MNDA: variants seen among roughly 807,000 people sequenced by gnomAD.
MNDA encodes the protein myeloid cell nuclear differentiation antigen.
MNDA carries 43 observed loss-of-function variants against 37.8 expected under a neutral mutation model. The observed-to-expected ratio is 1.14, with a 90% CI of 0.89 to 1.47. MNDA has a LOEUF of 1.47. Ranked by LOEUF, MNDA falls within the 40% of genes most tolerant of loss-of-function variation. MNDA has a pLI of 0.00. For synonymous variants in MNDA, 181 were observed against 169.0 expected (o/e 1.07, Z -0.55); for missense variants, 536 against 476.0 (o/e 1.13, Z -1.17).
chr1:158,845,936 C>T lies in MNDA; in HGVS notation c.920C>T (p.Pro307Leu), dbSNP rs745906221. Residue 307 changes from proline (P) to leucine (L), a missense_variant, in exon 5 of 7, where the codon CCC (proline) becomes CTC (leucine). Physicochemically the swap from Pro to Leu is moderately conservative, Grantham distance 98 (BLOSUM62 -3). Transcript: ENST00000368141. The part of the protein sequence containing the change: ...NRIIEIANKT[P>L]KISQLYKQAS... ...ATTATCGAAATAGCAAATAAAACTC[C>T]CAAGATCAGTCAACTTTACAAGCAA... 6.8e-5 allele frequency: 109 copies of T among 1,613,938 alleles called. No homozygotes were observed. In the South Asian group the frequency reaches 1.1e-3, roughly 16 times the overall value.
At chr1:158,836,431 A>G (rs1026154448) in intron 1 of MNDA, among the ~76,000 whole-genome samples, 3 of 151,796 alleles carry the variant, frequency 2.0e-5, no homozygotes, top group Non-Finnish European at 4.4e-5. Context: ...CGGATTTTCT[A>G]TTTCTTTATG....
In MNDA at chr1:158,838,718, A is replaced by C. The variant is rs73015597; in HGVS notation, c.-20-3416A>C. Among the ~76,000 whole-genome samples the C allele has an allele frequency of 6.8e-3, 1,042 of 152,152 alleles. 10 individuals are homozygous for C. The highest frequency in any genetic ancestry group is 0.022 in the African/African-American group (915 of 41,516). ...TCACCTTTTCAGACTTACATAATGC[A>C]TATATTGTCCCACTTGATGAACTTT... On this transcript the variant is annotated intron_variant, in intron 1 of 6. Coordinates refer to ENST00000368141, the MANE Select transcript of MNDA (RefSeq NM_002432.3).
chr1:158,847,950 A>C (rs760071907), intron 6 of MNDA, 34 bp downstream of exon 6: 2 of 1,584,588 alleles, frequency 1.3e-6, no homozygotes, highest in African/African-American at 1.4e-5. Flanking sequence ...GAGTTTGCTA[A>C]AGAGGCAAAT....
rs375021094 is a variant in MNDA, at chr1:158,842,245, A to G, written c.92A>G (p.Tyr31Cys). 3.2e-5 allele frequency: 52 copies of G among 1,613,950 alleles called. No individual in the cohort carries two copies. Among genetic ancestry groups the G allele is most frequent in the Non-Finnish European group, 4.0e-5 (47 of 1,179,908 alleles). The change falls in exon 2 of 7, where the codon TAT becomes TGT. Residue 31 changes from tyrosine (Y) to cysteine (C), a missense_variant. Tyr to Cys is a radical substitution (Grantham distance 194). Transcript: ENST00000368141. ...ACATCAATTAAGTCCTTACTGGCCTATGATTTAGGACTAACTACAAAAATG... is the reference window on the plus strand; with the variant it reads ...ACATCAATTAAGTCCTTACTGGCCTGTGATTTAGGACTAACTACAAAAATG... ...HFTSIKSLLA[Y>C]DLGLTTKMQE...
Position 158,844,229 on chromosome 1 carries a change from C to T in MNDA, c.570+107C>T, listed in dbSNP as rs529939589. 8.9e-5 allele frequency: 105 copies of T among 1,174,168 alleles called. No homozygotes were observed. In the South Asian group the frequency reaches 1.9e-3, roughly 21 times the overall value. 72.7% of individuals were successfully genotyped at this position (1,174,168 alleles called of 1,614,324 possible). A position where few individuals can be genotyped will look rare whatever the true frequency, so the allele number is the denominator to read the frequency against. ...CATAACTCTTCATATTACTGATTTG[C>T]TGTGGGAAAACTGTTTTCCATATTA... On this transcript the variant is annotated intron_variant, in intron 4 of 6. Coordinates refer to ENST00000368141, the MANE Select transcript of MNDA (RefSeq NM_002432.3).
Position 158,842,982 on chromosome 1 carries a change from G to C in MNDA, c.266-297G>C, listed in dbSNP as rs146828789. Among the ~76,000 whole-genome samples the C allele has an allele frequency of 2.6e-5, 4 of 152,280 alleles. No homozygotes were observed. In the East Asian group the frequency reaches 5.8e-4, roughly 22 times the overall value. ...CTTAGATATTTAAAAGAAATGGTAG[G>C]AGAACAAGACTGAGAAAGGGTTGAT... is the stretch of plus-strand genomic sequence containing the variant. On this transcript the variant is annotated intron_variant, in intron 2 of 6. Coordinates refer to ENST00000368141, the MANE Select transcript of MNDA (RefSeq NM_002432.3).
At position 158,845,875 on chromosome 1, in the gene MNDA, T is replaced by G; in HGVS notation, c.859T>G (p.Ser287Ala). ...VMEIKEASSVSDFNQNFEVPN... is the reference protein window; with the variant it reads ...VMEIKEASSVADFNQNFEVPN... ...GGAAATAAAGGAAGCATCATCTGTG[T>G]CTGACTTTAATCAAAATTTTGAGGT... Residue 287 changes from serine (S) to alanine (A), a missense_variant, in exon 5 of 7, where the codon TCT becomes GCT. By Grantham distance (99) the Ser-to-Ala change is moderately conservative. Coordinates refer to ENST00000368141, the MANE Select transcript of MNDA (RefSeq NM_002432.3). 1 of 1,614,186 alleles carries G rather than the reference T, an allele frequency of 6.2e-7. No individual in the cohort carries two copies. The highest frequency in any genetic ancestry group is 8.5e-7 in the Non-Finnish European group (1 of 1,180,024).
At chr1:158,837,055 A>T (rs1183932805) in intron 1 of MNDA, among the ~76,000 whole-genome samples, 8 of 151,862 alleles carry the variant, frequency 5.3e-5, no homozygotes, top group Non-Finnish European at 1.2e-4. Flanking sequence ...ATGATAAAAA[A>T]ATATACTCTG....
At chr1:158,842,635 G>A (rs1338521846) in intron 2 of MNDA, 1 of 388,442 alleles carries the variant, frequency 2.6e-6, no homozygotes, top group Non-Finnish European at 4.6e-6. Flanking sequence ...TTTGAGGTAA[G>A]GATAAAAAAC....
chr1:158,841,928 TA>T (rs977530002), intron 1 of MNDA, among the ~76,000 whole-genome samples: 1 of 152,198 alleles, frequency 6.6e-6, no homozygotes, highest in Non-Finnish European at 1.5e-5. Flanking sequence ...TTATCAACAT[TA>T]AAAGGGAAGA....
chr1:158,840,180 A>G (rs753363790), intron 1 of MNDA, among the ~76,000 whole-genome samples: 1 of 152,214 alleles, frequency 6.6e-6, no homozygotes, highest in South Asian at 2.1e-4. Context: ...TCAACAAATC[A>G]TGCCACTATT....
chr1:158,836,317 T>C (rs1658914898), intron 1 of MNDA, among the ~76,000 whole-genome samples: 1 of 152,032 alleles, frequency 6.6e-6, no homozygotes, highest in Non-Finnish European at 1.5e-5. Context: ...TTCTTCTTTA[T>C]ATATTTGGTA....
chr1:158,847,374 A>C (rs1659154708), intron 5 of MNDA, among the ~76,000 whole-genome samples: 1 of 152,228 alleles, frequency 6.6e-6, no homozygotes, highest in Non-Finnish European at 1.5e-5. Context: ...ATAATTGTAG[A>C]AAGCATACAT....
intron 2 of MNDA, chr1:158,842,635 G>T (rs1338521846): frequency 7.7e-6 from 3 of 388,324 alleles, no homozygotes; most frequent in Non-Finnish European, 1.4e-5. Flanking sequence ...TTTGAGGTAA[G>T]GATAAAAAAC....
In MNDA at chr1:158,843,307, AG is replaced by A. The variant is rs1394966343; in HGVS notation, c.295del (p.Ala99LeufsTer3). Reference sequence around the variant, plus strand: ...CTAAGAAAATTAAAACACAAGAAAAAGCTCCAGTGAAAAAAATAAACCAGGA... The same window carrying A: ...CTAAGAAAATTAAAACACAAGAAAAACTCCAGTGAAAAAAATAAACCAGGA... Reference protein sequence around the residue: ...VAKKIKTQEKAPVKKINQEEV... With the variant: ...VAKKIKTQEKXPVKKINQEEV... On this transcript the variant is annotated frameshift_variant, in exon 3 of 7. Transcript: ENST00000368141. LOFTEE classifies it high-confidence loss of function. 5 of 1,610,922 alleles carry A rather than the reference AG, an allele frequency of 3.1e-6. No individual in the cohort carries two copies. The highest frequency in any genetic ancestry group is 2.7e-5 in the African/African-American group (2 of 74,544).
intron 1 of MNDA, among the ~76,000 whole-genome samples, chr1:158,839,840 T>G (rs1658994655): frequency 6.6e-6 from 1 of 152,232 alleles, no homozygotes; most frequent in African/African-American, 2.4e-5. Flanking sequence ...TGTTCTTTAT[T>G]TGGTGTTTCC....
chr1:158,841,900 A>C (rs1659035134), intron 1 of MNDA, among the ~76,000 whole-genome samples: 1 of 152,172 alleles, frequency 6.6e-6, no homozygotes, highest in Admixed American at 6.5e-5. Flanking sequence ...ATTTCACCAC[A>C]TACACCTCTG....
chr1:158,834,288 A>G (rs1044983393), intron 1 of MNDA, among the ~76,000 whole-genome samples: 1 of 140,744 alleles, frequency 7.1e-6, no homozygotes, highest in Non-Finnish European at 1.5e-5. Context: ...GCTGGAGTGC[A>G]GTGGCGCGAT....
intron 1 of MNDA, among the ~76,000 whole-genome samples, chr1:158,836,240 T>C (rs1658913688): frequency 6.6e-6 from 1 of 152,048 alleles, no homozygotes; most frequent in South Asian, 2.1e-4. Context: ...TGCTGAGTCA[T>C]ACAATGAGTT....
Sources: gnomAD v4.1 joint callset for allele counts (sites outside exome capture counted in the v4.1 genomes callset) on GRCh38, gnomAD v4.1.1 for gene constraint, MANE v1.5 for transcripts, NCBI Gene and HGNC (gene_info 2026-07-23, HGNC 2026-07-21) for gene names.